C1orf146: variants seen among roughly 807,000 people sequenced by gnomAD.
C1orf146 encodes the protein chromosome 1 open reading frame 146.
Under a neutral mutation model 23.0 loss-of-function variants are expected in C1orf146, and 22 were observed. That is an observed-to-expected ratio of 0.96 (90% CI 0.68 to 1.36). The LOEUF (loss-of-function observed/expected upper bound fraction) is 1.36. C1orf146 is among the 40% of genes most tolerant of loss of function. The pLI is 0.00. For synonymous variants in C1orf146, 59 were observed against 65.3 expected (o/e 0.90, Z 0.47); for missense variants, 199 against 206.8 (o/e 0.96, Z 0.23).
chr1:92,229,441 TGTCATCA>T (rs1391006898), intron 1 of C1orf146: 13 of 516,506 alleles, frequency 2.5e-5, no homozygotes, highest in Non-Finnish European at 5.0e-5. Flanking sequence ...TCCAGCTTTT[TGTCATCA>T]GCTGTAGCTG....
intron 3 of C1orf146, among the ~76,000 whole-genome samples, chr1:92,243,608 G>C (rs1479007983): frequency 6.6e-6 from 1 of 152,138 alleles, no homozygotes; most frequent in Non-Finnish European, 1.5e-5. Context: ...GCCTCCCAAA[G>C]TGCTGGGATT....
At chr1:92,225,479 TTA>T (rs1651944142) in intron 1 of C1orf146, among the ~76,000 whole-genome samples, 1 of 152,248 alleles carries the variant, frequency 6.6e-6, no homozygotes, top group African/African-American at 2.4e-5. Flanking sequence ...TTTTTATGTT[TTA>T]TGTTTGTTTT....
chr1:92,227,701 A>G (rs1409985097), intron 1 of C1orf146, among the ~76,000 whole-genome samples: 1 of 152,130 alleles, frequency 6.6e-6, no homozygotes, highest in Non-Finnish European at 1.5e-5. Flanking sequence ...CTATGTTGAC[A>G]ATTATTTCCT....
At chr1:92,230,057 A>G (rs946095344) in intron 1 of C1orf146, among the ~76,000 whole-genome samples, 1 of 120,338 alleles carries the variant, frequency 8.3e-6, no homozygotes, top group Non-Finnish European at 1.8e-5. Context: ...TTGCCACTGT[A>G]TGGTGCATTG....
chr1:92,227,152 G>T (rs1651987483), intron 1 of C1orf146, among the ~76,000 whole-genome samples: 1 of 151,986 alleles, frequency 6.6e-6, no homozygotes, highest in Non-Finnish European at 1.5e-5. Flanking sequence ...TTGATTTAGA[G>T]TTACCCACAT....
At chr1:92,226,420 C>T (rs1319583686) in intron 1 of C1orf146, among the ~76,000 whole-genome samples, 5 of 152,050 alleles carry the variant, frequency 3.3e-5, no homozygotes, top group African/African-American at 9.7e-5. Flanking sequence ...CACACATACA[C>T]ACACACACAC....
intron 3 of C1orf146, among the ~76,000 whole-genome samples, chr1:92,243,596 C>T (rs952076998): frequency 2.6e-5 from 4 of 152,134 alleles, no homozygotes; most frequent in African/African-American, 9.7e-5. Flanking sequence ...CCGCCCACCT[C>T]GGCCTCCCAA....
chr1:92,238,176 A>G (rs1652343593), intron 2 of C1orf146, among the ~76,000 whole-genome samples: 1 of 152,096 alleles, frequency 6.6e-6, no homozygotes, highest in Non-Finnish European at 1.5e-5. Context: ...TGCCCCCACA[A>G]CCTGCACGAT....
chr1:92,234,317 T>G (rs1652216393), intron 2 of C1orf146, among the ~76,000 whole-genome samples: 1 of 152,234 alleles, frequency 6.6e-6, no homozygotes, highest in Non-Finnish European at 1.5e-5. Flanking sequence ...GTTTTTAGCA[T>G]GAAGGGTTGT....
Position 92,231,495 on chromosome 1 carries a change from G to T in C1orf146, c.66+9G>T, listed in dbSNP as rs964940319. The T allele has an allele frequency of 6.3e-7, 1 of 1,583,870 alleles. No homozygotes were observed. Among genetic ancestry groups the T allele is most frequent in the Non-Finnish European group, 8.6e-7 (1 of 1,165,258 alleles). ...TTAGCTCATCTCTTAAGGTAAAGGG[G>T]CATTTGGGCCACTGATCTTTAACTT... On this transcript the variant is annotated intron_variant, in intron 2 of 5. Coordinates refer to ENST00000370375, the MANE Select transcript of C1orf146 (RefSeq NM_001012425.2).
chr1:92,223,799 G>C (rs990183539), intron 1 of C1orf146, among the ~76,000 whole-genome samples: 2 of 152,040 alleles, frequency 1.3e-5, no homozygotes, highest in African/African-American at 4.8e-5. Context: ...CTCCCAAAGT[G>C]CTGGGATTAC....
At chr1:92,226,383 G>A (rs1651968099) in intron 1 of C1orf146, among the ~76,000 whole-genome samples, 1 of 150,988 alleles carries the variant, frequency 6.6e-6, no homozygotes, top group Non-Finnish European at 1.5e-5. Flanking sequence ...ATACTCACAT[G>A]CATACATGCA....
intron 1 of C1orf146, among the ~76,000 whole-genome samples, chr1:92,228,659 T>TCGGA (rs1652029097): frequency 6.6e-6 from 1 of 152,110 alleles, no homozygotes; most frequent in Non-Finnish European, 1.5e-5. Flanking sequence ...CCTGCACAGA[T>TCGGA]CGGAGACTGC....
intron 1 of C1orf146, among the ~76,000 whole-genome samples, chr1:92,225,101 G>T (rs560350718): frequency 7.2e-6 from 1 of 139,302 alleles, no homozygotes; most frequent in African/African-American, 2.7e-5. Flanking sequence ...TTCTTTTCCG[G>T]TTTAGCCTCT....
At chr1:92,235,990 G>C (rs1652266912) in intron 2 of C1orf146, among the ~76,000 whole-genome samples, 1 of 151,654 alleles carries the variant, frequency 6.6e-6, no homozygotes, top group Admixed American at 6.6e-5. Context: ...CTTTTATTTT[G>C]AGCCTATGTG....
intron 2 of C1orf146, among the ~76,000 whole-genome samples, chr1:92,239,157 T>C (rs1412808305): frequency 6.6e-6 from 1 of 152,176 alleles, no homozygotes; most frequent in Non-Finnish European, 1.5e-5. Flanking sequence ...CTAGGTTTTA[T>C]CTTCTTGATC....
intron 1 of C1orf146, among the ~76,000 whole-genome samples, chr1:92,222,944 C>T (rs1024270959): frequency 3.3e-5 from 5 of 152,024 alleles, no homozygotes; most frequent in African/African-American, 7.2e-5. Context: ...CTTTTGGGGG[C>T]GGGGGTTGGC....
At chr1:92,234,993 C>T (rs1652240281) in intron 2 of C1orf146, among the ~76,000 whole-genome samples, 1 of 152,050 alleles carries the variant, frequency 6.6e-6, no homozygotes, top group Non-Finnish European at 1.5e-5. Flanking sequence ...CTATTTGATT[C>T]TTCTCTCTTT....
At chr1:92,225,485 T>C (rs1231061892) in intron 1 of C1orf146, among the ~76,000 whole-genome samples, 2 of 152,246 alleles carry the variant, frequency 1.3e-5, no homozygotes, top group Non-Finnish European at 2.9e-5. Flanking sequence ...TGTTTTATGT[T>C]TGTTTTCACT....
Sources: gnomAD v4.1 joint callset for allele counts (sites outside exome capture counted in the v4.1 genomes callset) on GRCh38, gnomAD v4.1.1 for gene constraint, MANE v1.5 for transcripts, NCBI Gene and HGNC (gene_info 2026-07-23, HGNC 2026-07-21) for gene names.